ABCB1: variants seen among roughly 807,000 people sequenced by gnomAD.
ABCB1 encodes the protein ATP binding cassette subfamily B member 1, also known as ATP-dependent translocase ABCB1.
A neutral mutation model predicts 142.0 loss-of-function variants in ABCB1; 69 were observed. That is an observed-to-expected ratio of 0.49 (90% confidence interval 0.40 to 0.59). ABCB1 has a LOEUF of 0.59. ABCB1 is among the 20% of genes least tolerant of loss of function. The pLI is 0.00. For missense variants in ABCB1, 1,326 were observed against 1,554.7 expected (o/e 0.85, Z 2.47); for synonymous variants, 532 against 539.2 (o/e 0.99, Z 0.18).
At position 87,545,901 on chromosome 7, in the gene ABCB1, T is replaced by G; in HGVS notation, c.1849A>C (p.Lys617Gln). 1 of 1,614,212 alleles carries G rather than the reference T, an allele frequency of 6.2e-7. No individual in the cohort carries two copies. The highest frequency in any genetic ancestry group is 8.5e-7 in the Non-Finnish European group (1 of 1,180,024). The change falls in exon 15 of 28, where the codon AAA (lysine) becomes CAA (glutamine). Residue 617 changes from lysine (K) to glutamine (Q), a missense_variant. Lys to Gln is a moderately conservative substitution (Grantham distance 53). Coordinates refer to ENST00000622132, the MANE Select transcript of ABCB1 (RefSeq NM_001348946.2). ...VEKGNHDELM[K>Q]EKGIYFKLVT... ...AGTTTGAAGTAAATGCCTTTCTCTT[T>G]CATGAGTTCATCATGATTTCCTTTC...
chr7:87,653,671 C>T (rs904558301), intron 1 of ABCB1, among the ~76,000 whole-genome samples: 3 of 151,740 alleles, frequency 2.0e-5, no homozygotes, highest in Non-Finnish European at 2.9e-5. Flanking sequence ...TTTTCAAATG[C>T]GAGCCTAATA....
chr7:87,561,201 C>A, intron 8 of ABCB1, 62 bp downstream of exon 8: 1 of 1,593,482 alleles, frequency 6.3e-7, no homozygotes, highest in Non-Finnish European at 8.6e-7. Flanking sequence ...CACTGTCAAT[C>A]TGAAGGGCAT....
At position 87,567,318 on chromosome 7, in the gene ABCB1, C is replaced by T. The variant is rs939340150; in HGVS notation, c.339-342G>A. Among the ~76,000 whole-genome samples the T allele has an allele frequency of 1.3e-5, 2 of 152,186 alleles. No homozygotes were observed. The highest frequency in any genetic ancestry group is 2.9e-5 in the Non-Finnish European group (2 of 68,036). ...TGCATGAAATATACTTGGACCAGTGCCCAGCACATAGTAAGCACTCAGAGA... is the reference window on the plus strand; with the variant it reads ...TGCATGAAATATACTTGGACCAGTGTCCAGCACATAGTAAGCACTCAGAGA... On this transcript the variant is annotated intron_variant, in intron 5 of 27. Coordinates refer to ENST00000622132, the MANE Select transcript of ABCB1 (RefSeq NM_001348946.2).
At chr7:87,511,913 G>A (rs1350586068) in intron 25 of ABCB1, among the ~76,000 whole-genome samples, 1 of 152,132 alleles carries the variant, frequency 6.6e-6, no homozygotes, top group Non-Finnish European at 1.5e-5. Flanking sequence ...GGAAAGGTAA[G>A]GGGAAGACTC....
intron 7 of ABCB1, chr7:87,564,046 T>TA: frequency 3.1e-6 from 1 of 326,844 alleles, no homozygotes; most frequent in South Asian, 2.7e-5. Context: ...AGACAGTCAT[T>TA]AAAAATAACT....
intron 4 of ABCB1, among the ~76,000 whole-genome samples, chr7:87,576,407 ATAAG>A (rs1319716230): frequency 2.7e-5 from 4 of 149,494 alleles, no homozygotes; most frequent in Non-Finnish European, 4.5e-5. Context: ...CACACTATAT[ATAAG>A]TGTGTGTGTA....
intron 1 of ABCB1, among the ~76,000 whole-genome samples, chr7:87,711,998 G>A (rs1271181341): frequency 6.6e-6 from 1 of 152,062 alleles, no homozygotes; most frequent in African/African-American, 2.4e-5. Context: ...TGACATTCTG[G>A]ATTTTGAGAA....
chr7:87,550,879 T>C (rs1817034718), intron 9 of ABCB1, 41 bp from the exon 10 acceptor site: 1 of 1,312,736 alleles, frequency 7.6e-7, no homozygotes, highest in Non-Finnish European at 1.1e-6. Context: ...ACTGAGATAG[T>C]GACAGCAATT....
intron 23 of ABCB1, chr7:87,519,086 T>C: frequency 3.6e-6 from 2 of 562,464 alleles, no homozygotes; most frequent in Non-Finnish European, 6.3e-6. Context: ...CTCCACTCAG[T>C]CACAGATTTG....
intron 4 of ABCB1, among the ~76,000 whole-genome samples, chr7:87,583,759 A>C (rs964082297): frequency 1.3e-5 from 2 of 152,194 alleles, no homozygotes; most frequent in African/African-American, 2.4e-5. Context: ...AAAATACATA[A>C]ACTGTATGTA....
Position 87,519,580 on chromosome 7 carries a change from G to A in ABCB1, c.2787-114C>T, listed in dbSNP as rs1199989362. The A allele has an allele frequency of 4.5e-5, 57 of 1,268,696 alleles. No homozygotes were observed. The East Asian group carries it at 5.0e-4, about 11-fold the overall frequency. The allele number at this position is 1,268,696 out of a possible 1,614,324, so 78.6% of individuals were successfully genotyped here. A position where few individuals can be genotyped will look rare whatever the true frequency, so the allele number is the denominator to read the frequency against. ...GGCATGACCAACAAAAATGGGTTTC[G>A]TTTCCAAAGAACTAAGTTTGGTCCT... is the stretch of plus-strand genomic sequence containing the variant. On this transcript the variant is annotated intron_variant, in intron 22 of 27. Coordinates refer to ENST00000622132, the MANE Select transcript of ABCB1 (RefSeq NM_001348946.2).
At chr7:87,514,318 T>A (rs1430626679) in intron 25 of ABCB1, among the ~76,000 whole-genome samples, 1 of 152,212 alleles carries the variant, frequency 6.6e-6, no homozygotes, top group African/African-American at 2.4e-5. Flanking sequence ...ACTAATTACA[T>A]GCCTACATAA....
intron 3 of ABCB1, among the ~76,000 whole-genome samples, chr7:87,591,300 G>A (rs907508543): frequency 2.6e-5 from 4 of 152,172 alleles, no homozygotes; most frequent in Admixed American, 6.5e-5. Context: ...GTAAAACTTC[G>A]ATTCCAGAAC....
At chr7:87,561,093 A>G (rs1326506173) in intron 8 of ABCB1, among the ~76,000 whole-genome samples, 170 bp downstream of exon 8, 1 of 152,252 alleles carries the variant, frequency 6.6e-6, no homozygotes, top group East Asian at 1.9e-4. Flanking sequence ...GAAAAGTACA[A>G]TTAGAATTGC....
At chr7:87,578,561 A>AT (rs1016500306) in intron 4 of ABCB1, among the ~76,000 whole-genome samples, 29 of 151,800 alleles carry the variant, frequency 1.9e-4, no homozygotes, top group African/African-American at 5.8e-4. Flanking sequence ...GTATCTTTCC[A>AT]TTTTTTGTGT....
chr7:87,607,700 C>A (rs180808823), intron 1 of ABCB1, among the ~76,000 whole-genome samples: 1 of 151,668 alleles, frequency 6.6e-6, no homozygotes, highest in African/African-American at 2.4e-5. Context: ...CAAAGGTGTG[C>A]GCCACCTTGC....
chr7:87,518,641 C>A (rs1356643607), intron 23 of ABCB1, among the ~76,000 whole-genome samples: 1 of 152,150 alleles, frequency 6.6e-6, no homozygotes, highest in Non-Finnish European at 1.5e-5. Context: ...AAAATTATAT[C>A]GCTACTAATT....
intron 4 of ABCB1, among the ~76,000 whole-genome samples, chr7:87,583,227 C>T (rs567396231): frequency 2.6e-5 from 4 of 152,276 alleles, no homozygotes; most frequent in African/African-American, 7.2e-5. Flanking sequence ...AATGAATCCA[C>T]TTAAATATCA....
intron 1 of ABCB1, among the ~76,000 whole-genome samples, chr7:87,634,137 G>A (rs1295258120): frequency 1.3e-5 from 2 of 152,140 alleles, no homozygotes; most frequent in African/African-American, 4.8e-5. Context: ...AGCCTTGCTA[G>A]AGTGAGAACT....
Sources: allele counts gnomAD v4.1 joint callset (sites outside exome capture counted in the v4.1 genomes callset), GRCh38; gene constraint gnomAD v4.1.1; transcripts MANE v1.5; gene names NCBI Gene and HGNC (gene_info 2026-07-23, HGNC 2026-07-21).